Variants in PLCB4 observed in about 807,000 individuals in gnomAD.
PLCB4 encodes the protein phospholipase C beta 4, also known as 1-phosphatidylinositol 4,5-bisphosphate phosphodiesterase beta-4.
PLCB4 carries 77 observed loss-of-function variants against 178.8 expected under a neutral mutation model. That is an observed-to-expected ratio of 0.43 (90% confidence interval 0.36 to 0.52). The LOEUF is 0.52. Among genes scored for constraint, PLCB4 ranks in the 20% least tolerant of loss-of-function variants. The pLI is 0.00. For missense variants in PLCB4, 1,024 were observed against 1,453.4 expected (o/e 0.70, Z 4.80); for synonymous variants, 496 against 490.8 (o/e 1.01, Z -0.14).
chr20:9,394,414 T>G (rs752966785), intron 18 of PLCB4, among the ~76,000 whole-genome samples: 8 of 152,138 alleles, frequency 5.3e-5, no homozygotes, highest in Non-Finnish European at 1.2e-4. Flanking sequence ...ATGTACGTAA[T>G]GTACATGTGT....
chr20:9,356,714 C>A (rs1397513263), intron 7 of PLCB4, among the ~76,000 whole-genome samples: 2 of 152,188 alleles, frequency 1.3e-5, no homozygotes, highest in Non-Finnish European at 2.9e-5. Flanking sequence ...AAATTATATA[C>A]ATTCCTGACA....
chr20:9,160,463 G>GC (rs2092868967), intron 2 of PLCB4, among the ~76,000 whole-genome samples: 1 of 152,108 alleles, frequency 6.6e-6, no homozygotes, highest in South Asian at 2.1e-4. Flanking sequence ...GTTAAATTGG[G>GC]CAGCTGATGT....
intron 2 of PLCB4, among the ~76,000 whole-genome samples, chr20:9,163,977 A>T (rs1414550491): frequency 6.6e-6 from 1 of 152,220 alleles, no homozygotes; most frequent in Admixed American, 6.5e-5. Context: ...ATTTTGCGTG[A>T]GTCATCCAAA....
intron 2 of PLCB4, among the ~76,000 whole-genome samples, chr20:9,141,124 A>G (rs747675680): frequency 6.6e-6 from 1 of 152,064 alleles, no homozygotes; most frequent in Non-Finnish European, 1.5e-5. Context: ...TTAAAAGCCA[A>G]CTTTTTCTTT....
intron 38 of PLCB4, among the ~76,000 whole-genome samples, chr20:9,474,214 C>CA (rs138592969): frequency 0.098 from 11,857 of 120,498 alleles, 498 homozygotes; most frequent in Middle Eastern, 0.11. Context: ...GACTCCATCT[C>CA]AAAAAAAAAA....
At chr20:9,270,818 G>A (rs958996045) in intron 3 of PLCB4, among the ~76,000 whole-genome samples, 1 of 151,246 alleles carries the variant, frequency 6.6e-6, no homozygotes, top group African/African-American at 2.4e-5. Flanking sequence ...ACCTCAATGA[G>A]TTTTCCAAAA....
At position 9,332,556 on chromosome 20, in the gene PLCB4, C is replaced by T. The variant is rs144362556; in HGVS notation, c.85-4570C>T. On this transcript the variant is annotated intron_variant, in intron 4 of 39. Transcript: ENST00000378473. ...TTGATGAGCTGATTGTGGGTTTTGT[C>T]GTGAGCCTGGTCTTTAGTGTCAGCT... is the stretch of plus-strand genomic sequence containing the variant. 1.3e-3 allele frequency among the ~76,000 whole-genome samples: 191 copies of T among 151,726 alleles called. 2 individuals carry two copies. Among genetic ancestry groups the T allele is most frequent in the African/African-American group, 4.4e-3 (180 of 41,090 alleles).
At chr20:9,320,006 A>G (rs2094941972) in intron 4 of PLCB4, among the ~76,000 whole-genome samples, 1 of 152,202 alleles carries the variant, frequency 6.6e-6, no homozygotes, top group African/African-American at 2.4e-5. Flanking sequence ...AGACCCTAAG[A>G]GAGAGGATTC....
intron 30 of PLCB4, among the ~76,000 whole-genome samples, chr20:9,442,759 G>C (rs1602759082): frequency 6.6e-6 from 1 of 152,146 alleles, no homozygotes; most frequent in East Asian, 1.9e-4. Flanking sequence ...TAGGAGATCA[G>C]TAGAGAGCCC....
chr20:9,377,443 A>G (rs1215758677), intron 12 of PLCB4, among the ~76,000 whole-genome samples: 2 of 152,112 alleles, frequency 1.3e-5, no homozygotes, highest in South Asian at 2.1e-4. Context: ...TTGTTTTTCC[A>G]TATGAAAATG....
chr20:9,386,471 C>T (rs2037670945), intron 14 of PLCB4, among the ~76,000 whole-genome samples: 1 of 151,378 alleles, frequency 6.6e-6, no homozygotes, highest in African/African-American at 2.4e-5. Flanking sequence ...ATAAATTAAA[C>T]AATACTTTAT....
chr20:9,209,385 C>T (rs956024487), intron 2 of PLCB4, among the ~76,000 whole-genome samples: 1 of 152,076 alleles, frequency 6.6e-6, no homozygotes, highest in Admixed American at 6.5e-5. Flanking sequence ...CCCCCCGAGA[C>T]TACTGCCCCT....
chr20:9,250,511 T>C (rs2094169261), intron 3 of PLCB4, among the ~76,000 whole-genome samples: 1 of 152,258 alleles, frequency 6.6e-6, no homozygotes, highest in South Asian at 2.1e-4. Flanking sequence ...CATGATGCAT[T>C]TGTATAGTTC....
chr20:9,107,080 C>T (rs894375637), intron 2 of PLCB4, among the ~76,000 whole-genome samples: 1 of 151,782 alleles, frequency 6.6e-6, no homozygotes, highest in Admixed American at 6.6e-5. Context: ...CAACTGTTAC[C>T]CAGTCATGGC....
At chr20:9,291,810 A>T (rs2094582429) in intron 3 of PLCB4, among the ~76,000 whole-genome samples, 1 of 152,190 alleles carries the variant, frequency 6.6e-6, no homozygotes, top group Non-Finnish European at 1.5e-5. Flanking sequence ...GGATGAACAT[A>T]TGAAGACTGT....
chr20:9,249,271 G>A (rs1484505397), intron 3 of PLCB4, among the ~76,000 whole-genome samples: 2 of 151,526 alleles, frequency 1.3e-5, no homozygotes, highest in African/African-American at 4.9e-5. Context: ...TGCACAACAC[G>A]CAGGTTTGTT....
intron 2 of PLCB4, among the ~76,000 whole-genome samples, chr20:9,195,801 A>C (rs1441347019): frequency 2.6e-5 from 4 of 152,158 alleles, no homozygotes; most frequent in Non-Finnish European, 5.9e-5. Flanking sequence ...GTTTATATAT[A>C]TCTCTCTATA....
At chr20:9,235,586 C>T (rs755805866) in intron 3 of PLCB4, among the ~76,000 whole-genome samples, 4 of 152,160 alleles carry the variant, frequency 2.6e-5, no homozygotes, top group African/African-American at 4.8e-5. Flanking sequence ...GACAATGACT[C>T]GCTCAGCATT....
chr20:9,374,857 ATTCT>A (rs1229666647), intron 12 of PLCB4, among the ~76,000 whole-genome samples: 3 of 152,072 alleles, frequency 2.0e-5, no homozygotes, highest in Admixed American at 6.6e-5. Context: ...TGCCATTCAG[ATTCT>A]TTCTTTAAGT....
Sources: allele counts gnomAD v4.1 joint callset (sites outside exome capture counted in the v4.1 genomes callset), GRCh38; gene constraint gnomAD v4.1.1; transcripts MANE v1.5; gene names NCBI Gene and HGNC (gene_info 2026-07-23, HGNC 2026-07-21).